SLC22A2: variants seen among roughly 807,000 people sequenced by gnomAD.
The protein encoded by SLC22A2 is organic cation transporter 2.
In SLC22A2, 46 loss-of-function variants were observed where a neutral mutation model predicts 60.5. The ratio of observed to expected loss-of-function variants is 0.76; its 90% confidence interval spans 0.60 to 0.97. The LOEUF (loss-of-function observed/expected upper bound fraction) is 0.97, where lower values mean the gene tolerates loss of function less well. Ranked by LOEUF, SLC22A2 falls within the 50% of genes least tolerant of loss-of-function variation. The pLI is 0.00. For missense variants in SLC22A2, 701 were observed against 706.6 expected (o/e 0.99, Z 0.09); for synonymous variants, 303 against 267.0 (o/e 1.13, Z -1.31).
intron 9 of SLC22A2, among the ~76,000 whole-genome samples, chr6:160,237,966 C>T (rs1429193233): frequency 6.6e-6 from 1 of 152,230 alleles, no homozygotes; most frequent in East Asian, 1.9e-4. Context: ...AGGAAGTTAC[C>T]TTATATGGTC....
intron 9 of SLC22A2, among the ~76,000 whole-genome samples, chr6:160,237,555 A>G (rs964276207): frequency 5.3e-5 from 8 of 152,150 alleles, no homozygotes; most frequent in Non-Finnish European, 1.2e-4. Context: ...CTAATACTTA[A>G]TCAGAAATAT....
In SLC22A2 at chr6:160,219,447, G is replaced by A. The variant is rs73600483; in HGVS notation, c.1602-1949C>T. ...CTAACTAAATACCAAGCACTGCGAC[G>A]GGTGCTTCGTCGCACTGTCCCATTC... On this transcript the variant is annotated intron_variant, in intron 10 of 10. Transcript: ENST00000366953. Among the ~76,000 whole-genome samples, 800 of 133,830 alleles carry A rather than the reference G, an allele frequency of 6.0e-3. 10 individuals carry two copies. Among genetic ancestry groups the A allele is most frequent in the African/African-American group, 0.021 (763 of 35,792 alleles). The allele number at this position is 133,830 out of a possible 152,430, so 87.8% of individuals were successfully genotyped here. A position where few individuals can be genotyped will look rare whatever the true frequency, so the allele number is the denominator to read the frequency against.
intron 9 of SLC22A2, among the ~76,000 whole-genome samples, chr6:160,232,081 A>G (rs767300878): frequency 4.6e-5 from 7 of 151,574 alleles, no homozygotes; most frequent in African/African-American, 7.3e-5. Flanking sequence ...TCCAAAATCT[A>G]TTTTCTTCCT....
At position 160,258,543 on chromosome 6, in the gene SLC22A2, T is replaced by G. The variant is rs775454899; in HGVS notation, c.215A>C (p.Asn72Thr). ...RCGWSPAEEL[N>T]YTVPGPGPAG... is the part of the protein sequence containing the mutation. ...AGGTCCTGGGCCCGGCACCGTGTAGTTCAGTTCCTCTGCAGGACTCCAGCC... is the reference window on the plus strand; with the variant it reads ...AGGTCCTGGGCCCGGCACCGTGTAGGTCAGTTCCTCTGCAGGACTCCAGCC... Residue 72 changes from asparagine (N) to threonine (T), a missense_variant, in exon 1 of 11, where the codon AAC (asparagine) becomes ACC (threonine). Coordinates refer to ENST00000366953, the MANE Select transcript of SLC22A2 (RefSeq NM_003058.4). 67 of 1,613,822 alleles carry G rather than the reference T, an allele frequency of 4.2e-5. No individual in the cohort carries two copies. The highest frequency in any genetic ancestry group is 5.5e-5 in the Non-Finnish European group (65 of 1,179,938).
chr6:160,245,887 A>T (rs1783087267), intron 5 of SLC22A2, among the ~76,000 whole-genome samples: 1 of 121,324 alleles, frequency 8.2e-6, no homozygotes, highest in African/African-American at 3.3e-5. Flanking sequence ...TTTTTCCCCG[A>T]GACAGGGTCT....
At chr6:160,234,134 T>C in intron 9 of SLC22A2, among the ~76,000 whole-genome samples, 1 of 151,684 alleles carries the variant, frequency 6.6e-6, no homozygotes, top group East Asian at 1.9e-4. Flanking sequence ...CCCCCGCCCC[T>C]GCCTGCCGAG....
At chr6:160,234,838 G>A (rs1408182352) in intron 9 of SLC22A2, among the ~76,000 whole-genome samples, 1 of 152,208 alleles carries the variant, frequency 6.6e-6, no homozygotes, top group African/African-American at 2.4e-5. Flanking sequence ...ATTTTACAAT[G>A]GTGGCCCAGG....
At chr6:160,254,253 G>A (rs1033768249) in intron 2 of SLC22A2, among the ~76,000 whole-genome samples, 3 of 152,074 alleles carry the variant, frequency 2.0e-5, no homozygotes, top group Non-Finnish European at 4.4e-5. Flanking sequence ...ACTCTAGCCT[G>A]GGCGATAGAG....
chr6:160,237,049 A>C (rs1583395117), intron 9 of SLC22A2, among the ~76,000 whole-genome samples: 2 of 152,318 alleles, frequency 1.3e-5, no homozygotes, highest in East Asian at 3.9e-4. Context: ...TGGAGAGAGA[A>C]AAATTATGTT....
intron 2 of SLC22A2, among the ~76,000 whole-genome samples, chr6:160,256,028 A>G (rs1236901283): frequency 2.6e-5 from 4 of 152,176 alleles, no homozygotes; most frequent in Admixed American, 6.5e-5. Flanking sequence ...CTCCAGGGAC[A>G]ATGATATTGC....
chr6:160,227,280 C>T (rs1782739269), intron 9 of SLC22A2, among the ~76,000 whole-genome samples: 2 of 152,172 alleles, frequency 1.3e-5, no homozygotes, highest in Non-Finnish European at 2.9e-5. Context: ...ATAATAAGAG[C>T]CTTGGTTTCC....
intron 6 of SLC22A2, chr6:160,244,632 G>A (rs931282769): frequency 2.6e-5 from 4 of 152,114 alleles, no homozygotes; most frequent in Admixed American, 2.6e-4. Flanking sequence ...AAAATATGAG[G>A]ATAATCAACA....
At chr6:160,239,937 C>T (rs755186398) in intron 9 of SLC22A2, among the ~76,000 whole-genome samples, 11 of 151,996 alleles carry the variant, frequency 7.2e-5, no homozygotes, top group East Asian at 1.9e-4. Context: ...TCACAAATTC[C>T]GTGAGAAGAA....
chr6:160,255,823 C>G (rs1157515156), intron 2 of SLC22A2, among the ~76,000 whole-genome samples: 1 of 152,104 alleles, frequency 6.6e-6, no homozygotes, highest in Non-Finnish European at 1.5e-5. Flanking sequence ...GTTCCTTTTC[C>G]TTTTGAGGAC....
At chr6:160,230,475 A>G (rs1782804072) in intron 9 of SLC22A2, among the ~76,000 whole-genome samples, 2 of 151,962 alleles carry the variant, frequency 1.3e-5, no homozygotes, top group South Asian at 4.1e-4. Context: ...TCAGAAGGCC[A>G]TCTCATTCTA....
At position 160,219,123 on chromosome 6, in the gene SLC22A2, C is replaced by T. The variant is rs368097458; in HGVS notation, c.1602-1625G>A. ...GCAACAGAAGCAATAACAGCAGCAGCAACAACAGCAGTACGAACACCAGCA... is the reference window on the plus strand; with the variant it reads ...GCAACAGAAGCAATAACAGCAGCAGTAACAACAGCAGTACGAACACCAGCA... On this transcript the variant is annotated intron_variant, in intron 10 of 10. Transcript: ENST00000366953. Among the ~76,000 whole-genome samples the T allele has an allele frequency of 0.04, 297 of 7,358 alleles. No homozygotes were observed. The Middle Eastern group carries it at 0.5, about 12-fold the overall frequency. 4.8% of individuals were successfully genotyped at this position (7,358 alleles called of 152,430 possible). A position where few individuals can be genotyped will look rare whatever the true frequency, so the allele number is the denominator to read the frequency against.
intron 9 of SLC22A2, among the ~76,000 whole-genome samples, chr6:160,237,528 C>G (rs1398643383): frequency 6.6e-6 from 1 of 152,050 alleles, no homozygotes; most frequent in African/African-American, 2.4e-5. Flanking sequence ...TCCTCTCTAC[C>G]CTGAATACAA....
At chr6:160,229,980 T>C (rs1381220398) in intron 9 of SLC22A2, among the ~76,000 whole-genome samples, 2 of 151,934 alleles carry the variant, frequency 1.3e-5, no homozygotes, top group African/African-American at 4.9e-5. Flanking sequence ...TTTTACACAT[T>C]GGTCCCTCCC....
intron 10 of SLC22A2, among the ~76,000 whole-genome samples, chr6:160,222,771 C>T (rs1470087239): frequency 6.6e-6 from 1 of 152,146 alleles, no homozygotes; most frequent in Non-Finnish European, 1.5e-5. Flanking sequence ...GAGGGCATGC[C>T]CTTGAGAAAG....
Sources: allele counts gnomAD v4.1 joint callset (sites outside exome capture counted in the v4.1 genomes callset), GRCh38; gene constraint gnomAD v4.1.1; transcripts MANE v1.5; gene names NCBI Gene and HGNC (gene_info 2026-07-23, HGNC 2026-07-21).